PRKAR2B: variants seen among roughly 807,000 people sequenced by gnomAD.
The protein encoded by PRKAR2B is protein kinase cAMP-dependent type II regulatory subunit beta.
Under a neutral mutation model 49.9 loss-of-function variants are expected in PRKAR2B, and 14 were observed. That is an observed-to-expected ratio of 0.28 (90% CI 0.19 to 0.44). PRKAR2B has a LOEUF of 0.44. PRKAR2B is among the 20% of genes least tolerant of loss of function. The pLI is 1.00. For missense variants in PRKAR2B, 393 were observed against 537.9 expected (o/e 0.73, Z 2.67); for synonymous variants, 196 against 197.7 (o/e 0.99, Z 0.07).
chr7:107,157,593 G>A (rs531973007), intron 10 of PRKAR2B, among the ~76,000 whole-genome samples: 4 of 152,270 alleles, frequency 2.6e-5, no homozygotes, highest in East Asian at 1.9e-4. Flanking sequence ...CAAGTACCAC[G>A]TTTTATATGG....
chr7:107,070,340 T>C, intron 2 of PRKAR2B, 24 bp downstream of exon 2: 1 of 1,577,428 alleles, frequency 6.3e-7, no homozygotes, highest in Non-Finnish European at 8.7e-7. Flanking sequence ...TATTATGGAT[T>C]TTGTTTATTA....
intron 1 of PRKAR2B, among the ~76,000 whole-genome samples, chr7:107,066,313 T>G: frequency 6.6e-6 from 1 of 151,046 alleles, no homozygotes; most frequent in Non-Finnish European, 1.5e-5. Flanking sequence ...TGTGTGTGTG[T>G]GTGTGTGTGT....
intron 2 of PRKAR2B, among the ~76,000 whole-genome samples, chr7:107,101,520 T>C (rs1019601813): frequency 1.4e-4 from 21 of 152,260 alleles, no homozygotes; most frequent in Admixed American, 6.5e-4. Context: ...CAGCCACGGA[T>C]GCTTGGAGAA....
At chr7:107,110,969 G>A (rs1266950624) in intron 2 of PRKAR2B, among the ~76,000 whole-genome samples, 1 of 151,912 alleles carries the variant, frequency 6.6e-6, no homozygotes, top group African/African-American at 2.4e-5. Flanking sequence ...GTGGGCTTTT[G>A]GGGTCCCCAA....
Position 107,113,882 on chromosome 7 carries a change from A to G in PRKAR2B, c.344-8070A>G, listed in dbSNP as rs1396589614. On this transcript the variant is annotated intron_variant, in intron 2 of 10. Transcript: ENST00000265717. ...TGAAGGTTTGTATGGTGTTTCCTCT[A>G]TTGTCAGAATCGCACGGGCTACTCA... is the stretch of plus-strand genomic sequence containing the variant. 4.6e-5 allele frequency among the ~76,000 whole-genome samples: 7 copies of G among 152,248 alleles called. No homozygotes were observed. In the South Asian group the frequency reaches 1.0e-3, roughly 23 times the overall value.
intron 2 of PRKAR2B, among the ~76,000 whole-genome samples, chr7:107,082,636 CCCA>C: frequency 6.6e-6 from 1 of 152,164 alleles, no homozygotes; most frequent in East Asian, 1.9e-4. Context: ...CGCTCTGTCG[CCCA>C]GGCTGGAGTG....
intron 1 of PRKAR2B, among the ~76,000 whole-genome samples, chr7:107,051,032 T>C (rs574058490): frequency 2.6e-4 from 40 of 152,294 alleles, no homozygotes; most frequent in African/African-American, 7.2e-4. Flanking sequence ...AGAGATGGCC[T>C]CATAGATAGT....
At chr7:107,148,779 G>T (rs1458994307) in intron 6 of PRKAR2B, among the ~76,000 whole-genome samples, 1 of 152,134 alleles carries the variant, frequency 6.6e-6, no homozygotes, top group Non-Finnish European at 1.5e-5. Flanking sequence ...GTCTCACTCT[G>T]TAAATAATAT....
intron 2 of PRKAR2B, among the ~76,000 whole-genome samples, chr7:107,097,952 T>G (rs1195168824): frequency 6.6e-6 from 1 of 152,240 alleles, no homozygotes; most frequent in East Asian, 1.9e-4. Context: ...ATTTTTTCCT[T>G]CATTTCAACT....
At chr7:107,113,097 T>A (rs751731245) in intron 2 of PRKAR2B, among the ~76,000 whole-genome samples, 1 of 152,208 alleles carries the variant, frequency 6.6e-6, no homozygotes, top group Non-Finnish European at 1.5e-5. Context: ...TCTGTTCCTA[T>A]AATTCTCTGA....
chr7:107,134,912 G>C (rs1795667839), intron 4 of PRKAR2B, among the ~76,000 whole-genome samples: 1 of 152,012 alleles, frequency 6.6e-6, no homozygotes, highest in South Asian at 2.1e-4. Flanking sequence ...AAGTCTTTAT[G>C]GTCTTAGATT....
In PRKAR2B at chr7:107,140,211, T is replaced by G. The variant is rs547629699; in HGVS notation, c.481-636T>G. On this transcript the variant is annotated intron_variant, in intron 4 of 10. Coordinates refer to ENST00000265717, the MANE Select transcript of PRKAR2B (RefSeq NM_002736.3). ...TAAAAATTTTACATAGTTTAATTAG[T>G]TGTTGAATAGTATTTTTGATGTTTC... Among the ~76,000 whole-genome samples, 359 of 152,322 alleles carry G rather than the reference T, an allele frequency of 2.4e-3. 2 individuals are homozygous for G. The highest frequency in any genetic ancestry group is 2.8e-3 in the Non-Finnish European group (189 of 68,016).
intron 1 of PRKAR2B, among the ~76,000 whole-genome samples, chr7:107,060,804 A>AT (rs896608336): frequency 8.6e-5 from 13 of 151,832 alleles, no homozygotes; most frequent in South Asian, 4.2e-4. Context: ...TTTGCTTGTG[A>AT]TTTTTTTTGC....
intron 1 of PRKAR2B, among the ~76,000 whole-genome samples, chr7:107,054,543 G>A (rs566207961): frequency 6.6e-6 from 1 of 151,900 alleles, no homozygotes; most frequent in African/African-American, 2.4e-5. Flanking sequence ...AAATATTTTT[G>A]CAAGTTTCCC....
At chr7:107,129,043 T>G (rs1190405597) in intron 4 of PRKAR2B, 1 of 152,186 alleles carries the variant, frequency 6.6e-6, no homozygotes, top group African/African-American at 2.4e-5. Context: ...CCTCGACTTT[T>G]TTATTTGGTC....
chr7:107,116,895 ATG>A lies in PRKAR2B; in HGVS notation c.344-5045_344-5044del, dbSNP rs767262850. Among the ~76,000 whole-genome samples the A allele has an allele frequency of 7.8e-3, 1,139 of 146,796 alleles. 5 individuals carry two copies. Among genetic ancestry groups the A allele is most frequent in the Non-Finnish European group, 0.01 (691 of 67,308 alleles). On this transcript the variant is annotated intron_variant, in intron 2 of 10. Coordinates refer to ENST00000265717, the MANE Select transcript of PRKAR2B (RefSeq NM_002736.3). ...TATATATATACACACATATATATAT[ATG>A]TGTGTGTGTGTATATATATGTGTAT...
At chr7:107,054,382 TA>T (rs1793871265) in intron 1 of PRKAR2B, among the ~76,000 whole-genome samples, 1 of 152,118 alleles carries the variant, frequency 6.6e-6, no homozygotes, top group Non-Finnish European at 1.5e-5. Flanking sequence ...AACCACGGTA[TA>T]TAGCGGCACA....
At chr7:107,106,691 G>A (rs971582272) in intron 2 of PRKAR2B, among the ~76,000 whole-genome samples, 2 of 152,254 alleles carry the variant, frequency 1.3e-5, no homozygotes, top group East Asian at 1.9e-4. Flanking sequence ...TTGGGCAGTC[G>A]GGGGTATAGG....
At chr7:107,116,704 T>G (rs1795279078) in intron 2 of PRKAR2B, among the ~76,000 whole-genome samples, 1 of 151,970 alleles carries the variant, frequency 6.6e-6, no homozygotes, top group Non-Finnish European at 1.5e-5. Context: ...TTGGGCATGT[T>G]CTTCCAATGC....
Sources: gnomAD v4.1 joint callset for allele counts (sites outside exome capture counted in the v4.1 genomes callset) on GRCh38, gnomAD v4.1.1 for gene constraint, MANE v1.5 for transcripts, NCBI Gene and HGNC (gene_info 2026-07-23, HGNC 2026-07-21) for gene names.